Variants in POLR2F observed in about 807,000 individuals in gnomAD.
POLR2F encodes DNA-directed RNA polymerases I, II, and III subunit RPABC2.
POLR2F carries 12 observed loss-of-function variants against 22.7 expected under a neutral mutation model. The observed-to-expected ratio is 0.53, with a 90% CI of 0.34 to 0.86. The LOEUF (loss-of-function observed/expected upper bound fraction) is 0.86, where lower values mean the gene tolerates loss of function less well. Among genes scored for constraint, POLR2F ranks in the 40% least tolerant of loss-of-function variants. POLR2F has a pLI of 0.02. For synonymous variants in POLR2F, 57 were observed against 66.0 expected (o/e 0.86, Z 0.66); for missense variants, 126 against 171.5 (o/e 0.73, Z 1.48).
At position 37,980,362 on chromosome 22, in the gene POLR2F, T is replaced by C. The variant is rs1932360312; in HGVS notation, c.293+13192T>C. On this transcript the variant is annotated intron_variant, in intron 4 of 4. Transcript: ENST00000405557. The surrounding 1 kb of genome is among the most constrained non-coding windows in gnomAD (Gnocchi z 4.1). ...GCTCACTCTTTCACCTATCCTTCCC[T>C]TGCCCCCTGCCCAGCTGGCAGCCAG... Among the ~76,000 whole-genome samples the C allele has an allele frequency of 6.6e-6, 1 of 152,118 alleles. No homozygotes were observed. The highest frequency in any genetic ancestry group is 1.5e-5 in the Non-Finnish European group (1 of 67,996).
rs927034516 is a variant in POLR2F, at chr22:37,974,315, T to C, written c.293+7145T>C. On this transcript the variant is annotated intron_variant, in intron 4 of 4. Transcript: ENST00000405557. The surrounding 1 kb of genome is among the most constrained non-coding windows in gnomAD (Gnocchi z 5.4). ...GCAGCGGGTGCCTCTGGGAAAACCTTGTAAGTTTCACATTTTGGCAGCATG... is the reference window on the plus strand; with the variant it reads ...GCAGCGGGTGCCTCTGGGAAAACCTCGTAAGTTTCACATTTTGGCAGCATG... The C allele has an allele frequency of 2.9e-5, 22 of 754,838 alleles. No homozygotes were observed. The highest frequency in any genetic ancestry group is 4.6e-5 in the Non-Finnish European group (21 of 461,478). 46.8% of individuals were successfully genotyped at this position (754,838 alleles called of 1,614,324 possible).
intron 5 of POLR2F, among the ~76,000 whole-genome samples, chr22:38,037,192 A>G (rs1221489661): frequency 6.6e-6 from 1 of 152,220 alleles, no homozygotes; most frequent in African/African-American, 2.4e-5. Flanking sequence ...CCACTGCTCA[A>G]TCAGTGTTTG....
intron 3 of POLR2F, among the ~76,000 whole-genome samples, chr22:37,962,124 G>A (rs1488106172): frequency 6.6e-6 from 1 of 152,058 alleles, no homozygotes; most frequent in Admixed American, 6.6e-5. Context: ...CCAGCTACTC[G>A]GGAGGCTGAC....
intron 1 of POLR2F, among the ~76,000 whole-genome samples, chr22:38,001,445 G>C (rs762505009): frequency 6.6e-6 from 1 of 152,188 alleles, no homozygotes; most frequent in Non-Finnish European, 1.5e-5. Flanking sequence ...GGGAATTTAC[G>C]AATTTATTCA....
intron 1 of POLR2F, among the ~76,000 whole-genome samples, chr22:37,955,472 G>A (rs368320714): frequency 6.6e-6 from 1 of 150,826 alleles, no homozygotes; most frequent in East Asian, 2.0e-4. Flanking sequence ...CCAGGAGGCA[G>A]AGGTTGCAGT....
At chr22:38,029,188 G>A (rs540414317), downstream of POLR2F, among the ~76,000 whole-genome samples, 1 of 152,248 alleles carries the variant, frequency 6.6e-6, no homozygotes, top group South Asian at 2.1e-4. Context: ...GATTAGAGAT[G>A]GATAAGGAGT....
upstream of POLR2F, chr22:37,986,057 G>C: frequency 7.2e-7 from 1 of 1,396,602 alleles, no homozygotes. The surrounding 1 kb of genome is among the most constrained non-coding windows in gnomAD (Gnocchi z 4.7). Flanking sequence ...CCAGACTCTT[G>C]TTCGGGGCCT....
rs530778000 is a variant in POLR2F, at chr22:37,997,440, G to C, written c.120+11128G>C. On this transcript the variant is annotated intron_variant, in intron 1 of 2. Transcript: ENST00000333418. This position sits in a 1 kb window ranked among gnomAD's most constrained non-coding sequence, Gnocchi z 4.4. The stretch of plus-strand genomic sequence containing the variant: ...CCTGTCTCTCTCCAGCCCTGTCTCT[G>C]TCTCTCCCTGTTTTTCTCTCCCTGA... Among the ~76,000 whole-genome samples, 18 of 152,050 alleles carry C rather than the reference G, an allele frequency of 1.2e-4. No individual in the cohort carries two copies. Among genetic ancestry groups the C allele is most frequent in the Non-Finnish European group, 2.1e-4 (14 of 67,978 alleles).
rs189882544 is a variant in POLR2F at position 37,956,558 on chromosome 22, A to G, written c.21-215A>G. On this transcript the variant is annotated intron_variant, in intron 1 of 4. Transcript: ENST00000442738. ...CAGCCCCCCAAGTAGCTGGTATTAC[A>G]GACATGTGCCACCATGCCCGGCTAA... Among the ~76,000 whole-genome samples, 4 of 152,200 alleles carry G rather than the reference A, an allele frequency of 2.6e-5. No homozygotes were observed. The East Asian group carries it at 7.7e-4, about 29-fold the overall frequency.
intron 4 of POLR2F, chr22:37,977,766 G>T: frequency 7.6e-7 from 1 of 1,318,060 alleles, no homozygotes; most frequent in Non-Finnish European, 1.0e-6. Context: ...TGCACAGCCT[G>T]GCACGCTCTC....
Position 38,039,317 on chromosome 22 carries a change from T to A in POLR2F, c.453-1751T>A, listed in dbSNP as rs537002942. ...GAATGTCAGGAAGCCAGCGAGAGAATGAAGAGTCTGCCGTCCGGGGACACA... is the reference window on the plus strand; with the variant it reads ...GAATGTCAGGAAGCCAGCGAGAGAAAGAAGAGTCTGCCGTCCGGGGACACA... On this transcript the variant is annotated intron_variant, in intron 5 of 5. Transcript: ENST00000407936. 7.2e-5 allele frequency among the ~76,000 whole-genome samples: 11 copies of A among 152,234 alleles called. No individual in the cohort carries two copies. In the East Asian group the frequency reaches 2.1e-3, roughly 29 times the overall value.
chr22:37,982,793 A>C (rs1932441556), upstream of POLR2F, among the ~76,000 whole-genome samples: 1 of 152,146 alleles, frequency 6.6e-6, no homozygotes, highest in African/African-American at 2.4e-5. Context: ...GGCGTCAGAA[A>C]GTCCCAGGGA....
intron 1 of POLR2F, among the ~76,000 whole-genome samples, chr22:37,956,516 A>G (rs1213705619): frequency 6.6e-6 from 1 of 151,712 alleles, no homozygotes; most frequent in Non-Finnish European, 1.5e-5. Flanking sequence ...TCCTGGGTTC[A>G]AGCAATTCTT....
chr22:38,021,956 C>A (rs1023558656), intron 1 of POLR2F, among the ~76,000 whole-genome samples: 3 of 149,252 alleles, frequency 2.0e-5, no homozygotes, highest in African/African-American at 7.4e-5. Context: ...CATGGTGAAA[C>A]CCCATCTCTA....
intron 5 of POLR2F, among the ~76,000 whole-genome samples, chr22:38,037,818 C>T (rs1272466029): frequency 6.6e-6 from 1 of 152,152 alleles, no homozygotes; most frequent in Non-Finnish European, 1.5e-5. Flanking sequence ...GTCTTGATCT[C>T]CTGACCTCGT....
downstream of POLR2F, among the ~76,000 whole-genome samples, chr22:38,031,275 CAGGATGGTTGCA>C (rs1052967328): frequency 2.0e-5 from 3 of 152,094 alleles, no homozygotes; most frequent in African/African-American, 7.2e-5. This position sits in a 1 kb window ranked among gnomAD's most constrained non-coding sequence, Gnocchi z 4.1. Flanking sequence ...ACAGAGCCTG[CAGGATGGTTGCA>C]AGGATTAAAT....
At chr22:37,975,983 G>A (rs982168163) in intron 4 of POLR2F, among the ~76,000 whole-genome samples, 6 of 152,044 alleles carry the variant, frequency 3.9e-5, no homozygotes, top group Non-Finnish European at 8.8e-5. Context: ...GGTCATGCCT[G>A]TAATCCCAGC....
At chr22:38,009,171 A>G (rs1238005422) in intron 1 of POLR2F, among the ~76,000 whole-genome samples, 2 of 152,206 alleles carry the variant, frequency 1.3e-5, no homozygotes, top group Non-Finnish European at 2.9e-5. Context: ...CGAGGGGGAC[A>G]GAGAGGAAGA....
chr22:37,984,433 G>A (rs1182979777), upstream of POLR2F: 4 of 151,674 alleles, frequency 2.6e-5, no homozygotes, highest in Admixed American at 6.6e-5. This position sits in a 1 kb window ranked among gnomAD's most constrained non-coding sequence, Gnocchi z 4.4. Flanking sequence ...GGGAGGTGAC[G>A]CTGGTGGGCT....
Sources: allele counts gnomAD v4.1 joint callset (sites outside exome capture counted in the v4.1 genomes callset), GRCh38; gene constraint gnomAD v4.1.1; non-coding constraint Gnocchi (gnomAD v3.1); transcripts MANE v1.5; gene names NCBI Gene and HGNC (gene_info 2026-07-23, HGNC 2026-07-21).